The following DNAH6 variants were observed in gnomAD, a reference collection of about 807,000 sequenced individuals.
The protein encoded by DNAH6 is axonemal beta dynein heavy chain 6.
In DNAH6, 340 loss-of-function variants were observed where a neutral mutation model predicts 491.4. The ratio of observed to expected loss-of-function variants is 0.69; its 90% CI spans 0.63 to 0.76. DNAH6 has a LOEUF of 0.76. Among genes scored for constraint, DNAH6 ranks in the 30% least tolerant of loss-of-function variants. DNAH6 has a pLI of 0.00. For missense variants in DNAH6, 4,443 were observed against 4,972.2 expected (o/e 0.89, Z 3.20); for synonymous variants, 1,603 against 1,686.1 (o/e 0.95, Z 1.21).
intron 1 of DNAH6, 131 bp from the exon 2 acceptor site, chr2:84,517,688 T>C (rs952584189): frequency 7.3e-6 from 5 of 683,882 alleles, no homozygotes; most frequent in Non-Finnish European, 9.7e-6. Context: ...TGGGGTAACT[T>C]TGATGGGTTT....
Position 84,762,881 on chromosome 2 carries a change from A to T in DNAH6, c.10639A>T (p.Ser3547Cys). The T allele has an allele frequency of 6.4e-7, 1 of 1,551,644 alleles. No homozygotes were observed. Residue 3547 changes from serine to cysteine, a missense_variant, in exon 64 of 77, where the codon AGC becomes TGC. Ser to Cys is a moderately radical substitution (Grantham distance 112, BLOSUM62 -1). Around this residue, in one of 3 missense-constraint regions of DNAH6, gnomAD observed 1,463 missense variants for 1,656.6 expected, o/e 0.88. Coordinates refer to ENST00000389394, the MANE Select transcript of DNAH6 (RefSeq NM_001370.2). ...CAACACTCCCCTGGTATTCATCCTA[A>T]GCACAGGCTCAGATCCCATGGGTGC... The part of the protein sequence containing the change: ...SCNTPLVFIL[S>C]TGSDPMGAFQ...
chr2:84,699,276 C>T lies in DNAH6; in HGVS notation c.7678-318C>T, dbSNP rs192706163. On this transcript the variant is annotated intron_variant, in intron 47 of 76. Transcript: ENST00000389394. ...TGTGCAGCACCCTGCCCCTCTCTCC[C>T]AGATGTCTTCTGCCCCACAGCAAAA... 1.0e-3 allele frequency among the ~76,000 whole-genome samples: 156 copies of T among 152,282 alleles called. 1 individual carries two copies. Among genetic ancestry groups the T allele is most frequent in the African/African-American group, 3.6e-3 (148 of 41,554 alleles).
chr2:84,763,942 A>G (rs1674834809), intron 64 of DNAH6, among the ~76,000 whole-genome samples: 1 of 152,164 alleles, frequency 6.6e-6, no homozygotes, highest in Non-Finnish European at 1.5e-5. Context: ...TCTAAAGGCC[A>G]GAAAAAAACC....
At chr2:84,670,699 T>A (rs1019725874) in intron 39 of DNAH6, among the ~76,000 whole-genome samples, 2 of 152,246 alleles carry the variant, frequency 1.3e-5, no homozygotes, top group East Asian at 3.8e-4. Context: ...ACATCTTCAA[T>A]CTCTGCCTCT....
intron 64 of DNAH6, chr2:84,777,761 C>G (rs755995065): frequency 8.8e-5 from 80 of 909,566 alleles, no homozygotes; most frequent in Non-Finnish European, 1.4e-4. Flanking sequence ...ATCCAGATTG[C>G]AACCACTTCC....
At chr2:84,573,666 G>A in intron 12 of DNAH6, 79 bp downstream of exon 12, 6 of 1,293,130 alleles carry the variant, frequency 4.6e-6, no homozygotes, top group Non-Finnish European at 6.2e-6. Flanking sequence ...CTGTTTGGTG[G>A]TGTCTGGGGA....
At chr2:84,496,975 T>G in the DNAH6 span, among the ~76,000 whole-genome samples, 1 of 9,384 alleles carries the variant, frequency 1.1e-4, no homozygotes, top group Admixed American at 2.4e-3. Context: ...TGTACTCTTT[T>G]TTTTTTTTTT....
intron 68 of DNAH6, 75 bp downstream of exon 68, chr2:84,787,377 C>G (rs1055785880): frequency 3.5e-5 from 41 of 1,185,058 alleles, no homozygotes; most frequent in Non-Finnish European, 4.7e-5. Context: ...CTGGCCCTTA[C>G]AAAGATGGTG....
At chr2:84,533,312 C>T (rs971017386) in intron 4 of DNAH6, among the ~76,000 whole-genome samples, 4 of 151,950 alleles carry the variant, frequency 2.6e-5, no homozygotes, top group South Asian at 2.1e-4. Context: ...GATTTTATTT[C>T]AATCATGAAA....
chr2:84,735,117 T>G (rs899628790), intron 62 of DNAH6, among the ~76,000 whole-genome samples: 2 of 152,202 alleles, frequency 1.3e-5, no homozygotes, highest in Non-Finnish European at 2.9e-5. Flanking sequence ...GTACCCAATG[T>G]TTAGCTCCCA....
chr2:84,521,510 C>T (rs1676142044), intron 2 of DNAH6, among the ~76,000 whole-genome samples: 3 of 152,070 alleles, frequency 2.0e-5, no homozygotes, highest in Non-Finnish European at 4.4e-5. Context: ...GATTTTGTTG[C>T]AATTGCTTTT....
In DNAH6 at chr2:84,604,499, A is replaced by G. The variant is rs1558784438; in HGVS notation, c.3029A>G (p.Asp1010Gly). The G allele has an allele frequency of 6.4e-7, 1 of 1,551,756 alleles. No individual in the cohort carries two copies. Among genetic ancestry groups the G allele is most frequent in the Admixed American group, 2.0e-5 (1 of 51,008 alleles). The change falls in exon 19 of 77, where the codon GAC becomes GGC. Residue 1010 changes from aspartate (D) to glycine (G), a missense_variant. Physicochemically the swap from Asp to Gly is moderately conservative, Grantham distance 94. Coordinates refer to ENST00000389394, the MANE Select transcript of DNAH6 (RefSeq NM_001370.2). Reference sequence around the variant, plus strand: ...TTTGACTTTGGTCAAGAAATCCAGGACATATCTGGACAGGCTTCTGGAGAA... The same window carrying G: ...TTTGACTTTGGTCAAGAAATCCAGGGCATATCTGGACAGGCTTCTGGAGAA... ...HVFDFGQEIQ[D>G]ISGQASGEAA...
chr2:84,610,436 TG>T (rs1021539982), intron 21 of DNAH6, among the ~76,000 whole-genome samples: 1 of 152,154 alleles, frequency 6.6e-6, no homozygotes, highest in Non-Finnish European at 1.5e-5. Flanking sequence ...TGCCACATCT[TG>T]GGGGCCACCT....
intron 60 of DNAH6, among the ~76,000 whole-genome samples, chr2:84,724,459 A>G (rs1158986228): frequency 6.6e-6 from 1 of 152,144 alleles, no homozygotes; most frequent in African/African-American, 2.4e-5. Flanking sequence ...CTCCAGTCAC[A>G]TTTCTCTCAA....
At chr2:84,631,936 G>A (rs1688438596) in intron 29 of DNAH6, among the ~76,000 whole-genome samples, 1 of 152,172 alleles carries the variant, frequency 6.6e-6, no homozygotes, top group Non-Finnish European at 1.5e-5. Context: ...CCTATGACAA[G>A]TCCTCCTAAT....
At chr2:84,750,950 A>G (rs1032889213) in intron 63 of DNAH6, 1 of 152,238 alleles carries the variant, frequency 6.6e-6, no homozygotes, top group Non-Finnish European at 1.5e-5. Context: ...CAGAACCCAG[A>G]TTAGGTTTCA....
chr2:84,550,117 T>A, intron 9 of DNAH6, 60 bp downstream of exon 9: 1 of 1,315,402 alleles, frequency 7.6e-7, no homozygotes, highest in Non-Finnish European at 1.1e-6. Context: ...GAGTGCAAAC[T>A]ACGCTCTATG....
Position 84,584,172 on chromosome 2 carries a change from T to G in DNAH6, c.2403T>G (p.Ile801Met). ...DKSVGDRESSIKQFCVHLGSD... is the reference protein window; with the variant it reads ...DKSVGDRESSMKQFCVHLGSD... ...CAGTGGGTGATAGAGAATCAAGCAT[T>G]AAGCAATTTTGTGTGCATTTGGGTA... The change falls in exon 15 of 77, where the codon ATT (isoleucine) becomes ATG (methionine). Residue 801 changes from isoleucine to methionine, a missense_variant. By Grantham distance (10) the Ile-to-Met change is conservative (BLOSUM62 1). Coordinates refer to ENST00000389394, the MANE Select transcript of DNAH6 (RefSeq NM_001370.2). 1 of 1,614,166 alleles carries G rather than the reference T, an allele frequency of 6.2e-7. No homozygotes were observed. The highest frequency in any genetic ancestry group is 8.5e-7 in the Non-Finnish European group (1 of 1,180,012).
At chr2:84,602,554 G>C (rs1240091034) in intron 18 of DNAH6, among the ~76,000 whole-genome samples, 2 of 111,242 alleles carry the variant, frequency 1.8e-5, no homozygotes, top group African/African-American at 7.0e-5. Context: ...ATTCTCATCA[G>C]TTAGGAGTAG....
Sources: allele counts gnomAD v4.1 joint callset (sites outside exome capture counted in the v4.1 genomes callset), GRCh38; gene constraint gnomAD v4.1.1; regional missense constraint gnomAD v4.1.1; transcripts MANE v1.5; gene names NCBI Gene and HGNC (gene_info 2026-07-23, HGNC 2026-07-21).